MACC1: variants seen among roughly 807,000 people sequenced by gnomAD.
The protein encoded by MACC1 is metastasis-associated in colon cancer protein 1.
In MACC1, 79 loss-of-function variants were observed where a neutral mutation model predicts 70.7. That is an observed-to-expected ratio of 1.12 (90% CI 0.93 to 1.35). The LOEUF is 1.35. Ranked by LOEUF, MACC1 falls within the 40% of genes most tolerant of loss-of-function variation. The probability of loss-of-function intolerance (pLI) is 0.00; values close to 1 mark genes in which losing one functional copy is unlikely to be tolerated. For missense variants in MACC1, 1,106 were observed against 978.1 expected (o/e 1.13, Z -1.74); for synonymous variants, 361 against 347.2 (o/e 1.04, Z -0.44).
At chr7:20,148,190 G>A (rs1429597731) in intron 6 of MACC1, among the ~76,000 whole-genome samples, 1 of 152,052 alleles carries the variant, frequency 6.6e-6, no homozygotes, top group Non-Finnish European at 1.5e-5. Context: ...TGTACCCAAT[G>A]CTATAAAAGA....
At position 20,172,132 on chromosome 7, in the gene MACC1, A is replaced by T. The variant is rs185328091; in HGVS notation, c.-217-1354T>A. On this transcript the variant is annotated intron_variant, in intron 1 of 6. Coordinates refer to ENST00000400331, the MANE Select transcript of MACC1 (RefSeq NM_182762.4). ...ATCTTCAGAAAAATCCATGTTACTCACTGATTCAGGAAACATTTATAGTGT... is the reference window on the plus strand; with the variant it reads ...ATCTTCAGAAAAATCCATGTTACTCTCTGATTCAGGAAACATTTATAGTGT... Among the ~76,000 whole-genome samples, 16 of 152,328 alleles carry T rather than the reference A, an allele frequency of 1.1e-4. 1 individual carries two copies. Among genetic ancestry groups the T allele is most frequent in the Non-Finnish European group, 8.8e-5 (6 of 68,018 alleles).
At chr7:20,210,369 T>C (rs1583414313) in intron 1 of MACC1, among the ~76,000 whole-genome samples, 1 of 152,228 alleles carries the variant, frequency 6.6e-6, no homozygotes, top group African/African-American at 2.4e-5. Flanking sequence ...CACTGTCCTA[T>C]ACAAACCTCT....
At chr7:20,216,839 G>C (rs1409219062) in intron 1 of MACC1, among the ~76,000 whole-genome samples, 4 of 152,190 alleles carry the variant, frequency 2.6e-5, no homozygotes, top group Admixed American at 1.3e-4. Context: ...ACTTTGCGAG[G>C]TGAAACATCT....
intron 6 of MACC1, among the ~76,000 whole-genome samples, chr7:20,142,510 A>G (rs894811141): frequency 1.3e-5 from 2 of 152,176 alleles, no homozygotes; most frequent in Non-Finnish European, 2.9e-5. Flanking sequence ...TTTGTATATA[A>G]GTTTTACCCT....
intron 5 of MACC1, among the ~76,000 whole-genome samples, chr7:20,156,352 G>C (rs1451011922): frequency 6.6e-6 from 1 of 152,134 alleles, no homozygotes; most frequent in African/African-American, 2.4e-5. Flanking sequence ...GTCTCTACTA[G>C]ATTTTCTAAT....
intron 5 of MACC1, among the ~76,000 whole-genome samples, chr7:20,155,634 T>C (rs1782044559): frequency 6.6e-6 from 1 of 152,170 alleles, no homozygotes; most frequent in South Asian, 2.1e-4. Context: ...TCTACCAATA[T>C]GAAACAATAA....
At chr7:20,193,279 C>T (rs910777959) in intron 1 of MACC1, among the ~76,000 whole-genome samples, 6 of 152,156 alleles carry the variant, frequency 3.9e-5, no homozygotes, top group East Asian at 1.9e-4. Flanking sequence ...AAGCTATCAA[C>T]TTAGGGCATG....
rs1022246872 is a variant in MACC1 at position 20,135,340 on chromosome 7, T to C, written c.*5606A>G. The C allele has an allele frequency of 2.0e-5, 3 of 152,248 alleles. No individual in the cohort carries two copies. The highest frequency in any genetic ancestry group is 7.2e-5 in the African/African-American group (3 of 41,460). 9.4% of individuals were successfully genotyped at this position (152,248 alleles called of 1,614,324 possible). ...TTTATTAACTCATGAAAAGTTCACT[T>C]GCTATAAATAGAGCCTTAACATAAA... On this transcript the variant is annotated 3_prime_UTR_variant, in exon 7 of 7. Coordinates refer to ENST00000400331, the MANE Select transcript of MACC1 (RefSeq NM_182762.4).
intron 1 of MACC1, among the ~76,000 whole-genome samples, chr7:20,190,640 G>A (rs1782658455): frequency 6.6e-6 from 1 of 152,106 alleles, no homozygotes; most frequent in East Asian, 1.9e-4. Flanking sequence ...GCTTTAAAAT[G>A]GCAACAAAGC....
chr7:20,167,106 C>T (rs947855918), intron 2 of MACC1, among the ~76,000 whole-genome samples: 2 of 152,132 alleles, frequency 1.3e-5, no homozygotes, highest in Non-Finnish European at 2.9e-5. Context: ...GAGCTTGCCA[C>T]ACTTCTGGTA....
intron 1 of MACC1, among the ~76,000 whole-genome samples, chr7:20,171,254 T>TA (rs1782301088): frequency 1.1e-5 from 1 of 93,782 alleles, no homozygotes; most frequent in Non-Finnish European, 1.9e-5. Flanking sequence ...TATTTTATTT[T>TA]CTTTTTTTTT....
At position 20,158,599 on chromosome 7, in the gene MACC1, C is replaced by T. The variant is rs763773796; in HGVS notation, c.1762G>A (p.Ala588Thr). 4.3e-6 allele frequency: 7 copies of T among 1,613,988 alleles called. No individual in the cohort carries two copies. Among genetic ancestry groups the T allele is most frequent in the African/African-American group, 1.3e-5 (1 of 75,048 alleles). Residue 588 changes from alanine (A) to threonine (T), a missense_variant, in exon 5 of 7, where the codon GCT becomes ACT. By Grantham distance (58) the Ala-to-Thr change is moderately conservative (BLOSUM62 0). Coordinates refer to ENST00000400331, the MANE Select transcript of MACC1 (RefSeq NM_182762.4). ...TCTTTCACTTTGGACTGACCAATAGCTTTTACCTTACCTTCCCCGAGGAGA... is the reference window on the plus strand; with the variant it reads ...TCTTTCACTTTGGACTGACCAATAGTTTTTACCTTACCTTCCCCGAGGAGA... ...IALLGEGKVK[A>T]IGQSKVKEWY...
chr7:20,195,590 T>A (rs1307611925), intron 1 of MACC1, among the ~76,000 whole-genome samples: 2 of 152,216 alleles, frequency 1.3e-5, no homozygotes, highest in Non-Finnish European at 2.9e-5. Context: ...TGTACTACAA[T>A]TAGGCCCTAT....
chr7:20,160,211 C>A lies in MACC1; in HGVS notation c.150G>T (p.Pro50=). Residue 50 remains proline (P), a synonymous_variant, in exon 5 of 7, where the codon CCG becomes CCT. Coordinates refer to ENST00000400331, the MANE Select transcript of MACC1 (RefSeq NM_182762.4). ...TATTACCACGAAGGGTGAAAGCATC[C>A]GGCCAATTGTGAAGCAAGTCTGGGT... The part of the protein sequence containing the change: ...CQDPDLLHNW[P]DAFTLRGNNA... The A allele has an allele frequency of 6.3e-7, 1 of 1,585,330 alleles. No homozygotes were observed. Among genetic ancestry groups the A allele is most frequent in the Non-Finnish European group, 8.5e-7 (1 of 1,170,380 alleles).
chr7:20,155,395 C>T (rs1782040815), intron 5 of MACC1, among the ~76,000 whole-genome samples: 1 of 152,156 alleles, frequency 6.6e-6, no homozygotes, highest in Admixed American at 6.6e-5. Context: ...AAGAGATTAA[C>T]AACAATAACT....
chr7:20,150,129 C>A (rs755664311), intron 6 of MACC1, among the ~76,000 whole-genome samples: 1 of 152,132 alleles, frequency 6.6e-6, no homozygotes, highest in African/African-American at 2.4e-5. Flanking sequence ...TCATCTAGTC[C>A]TATACTTTTA....
chr7:20,165,184 T>C (rs1782195297), intron 2 of MACC1, among the ~76,000 whole-genome samples: 1 of 152,172 alleles, frequency 6.6e-6, no homozygotes. Flanking sequence ...GTTCCAAAAC[T>C]CAGTGGCACC....
At chr7:20,175,209 C>G (rs991528725) in intron 1 of MACC1, among the ~76,000 whole-genome samples, 5 of 151,862 alleles carry the variant, frequency 3.3e-5, no homozygotes, top group African/African-American at 1.2e-4. Flanking sequence ...CTCTTTAACC[C>G]GGCAATATTT....
intron 1 of MACC1, among the ~76,000 whole-genome samples, chr7:20,208,343 G>A (rs1226366127): frequency 1.3e-5 from 2 of 152,214 alleles, no homozygotes; most frequent in African/African-American, 2.4e-5. Context: ...ATGTGGGAAA[G>A]TTTGGAACGT....
Sources: gnomAD v4.1 joint callset for allele counts (sites outside exome capture counted in the v4.1 genomes callset) on GRCh38, gnomAD v4.1.1 for gene constraint, MANE v1.5 for transcripts, NCBI Gene and HGNC (gene_info 2026-07-23, HGNC 2026-07-21) for gene names.